Variants in IMMP2L observed in about 807,000 individuals in gnomAD.
IMMP2L encodes the protein mitochondrial inner membrane protease subunit 2.
A neutral mutation model predicts 19.3 loss-of-function variants in IMMP2L; 18 were observed. The observed-to-expected ratio is 0.93, with a 90% CI of 0.64 to 1.38. The LOEUF (loss-of-function observed/expected upper bound fraction) is 1.38. IMMP2L is among the 40% of genes most tolerant of loss of function. IMMP2L has a pLI of 0.00. For missense variants in IMMP2L, 233 were observed against 218.2 expected (o/e 1.07, Z -0.43); for synonymous variants, 76 against 73.0 (o/e 1.04, Z -0.21).
At chr7:110,934,888 G>T (rs1349892435) in intron 4 of IMMP2L, among the ~76,000 whole-genome samples, 1 of 152,126 alleles carries the variant, frequency 6.6e-6, no homozygotes, top group Non-Finnish European at 1.5e-5. Context: ...GCCTATGTGT[G>T]TCTTTGCATG....
chr7:111,214,489 C>A (rs1203248627), intron 3 of IMMP2L, among the ~76,000 whole-genome samples: 3 of 145,296 alleles, frequency 2.1e-5, no homozygotes, highest in Non-Finnish European at 4.5e-5. Flanking sequence ...ATTACAGGCA[C>A]CTGCCACCAA....
At chr7:111,214,140 T>G (rs1811631130) in intron 3 of IMMP2L, among the ~76,000 whole-genome samples, 1 of 152,070 alleles carries the variant, frequency 6.6e-6, no homozygotes, top group Admixed American at 6.5e-5. Flanking sequence ...ATCCAGTCCC[T>G]TCCAAGGGTA....
At chr7:111,048,387 A>G (rs1792660539) in intron 3 of IMMP2L, among the ~76,000 whole-genome samples, 1 of 152,070 alleles carries the variant, frequency 6.6e-6, no homozygotes, top group Non-Finnish European at 1.5e-5. Context: ...AGCAGTGAGC[A>G]TCTGGGCCTG....
At chr7:111,093,787 C>A (rs975679624) in intron 3 of IMMP2L, among the ~76,000 whole-genome samples, 1 of 152,094 alleles carries the variant, frequency 6.6e-6, no homozygotes, top group Admixed American at 6.6e-5. Context: ...TTGTGTATGA[C>A]TGGAAGATTT....
At chr7:111,144,902 T>C (rs944545616) in intron 3 of IMMP2L, among the ~76,000 whole-genome samples, 1 of 152,114 alleles carries the variant, frequency 6.6e-6, no homozygotes, top group Non-Finnish European at 1.5e-5. Flanking sequence ...TGATAAATGT[T>C]ATGAAAGCAA....
intron 3 of IMMP2L, among the ~76,000 whole-genome samples, chr7:111,225,055 T>G (rs894877187): frequency 2.0e-5 from 3 of 152,140 alleles, no homozygotes; most frequent in Admixed American, 2.0e-4. Flanking sequence ...CGTTGCAAGC[T>G]GAACTAGCCA....
In IMMP2L at chr7:110,975,163, C is replaced by T. The variant is rs367677940; in HGVS notation, c.240-11598G>A. 5.9e-5 allele frequency among the ~76,000 whole-genome samples: 9 copies of T among 152,070 alleles called. No individual in the cohort carries two copies. In the East Asian group the frequency reaches 1.5e-3, roughly 26 times the overall value. ...TTATAAGTTAAAAACAGATATATAA[C>T]ATGAGTTTAAAAAATAAAAGGAAAA... On this transcript the variant is annotated intron_variant, in intron 3 of 5. Coordinates refer to ENST00000405709, the MANE Select transcript of IMMP2L (RefSeq NM_032549.4).
intron 3 of IMMP2L, among the ~76,000 whole-genome samples, chr7:111,462,199 CAT>C (rs1211837216): frequency 4.6e-5 from 7 of 151,988 alleles, no homozygotes; most frequent in Admixed American, 2.6e-4. Context: ...ATTATGTACA[CAT>C]GTCAATTTCC....
intron 3 of IMMP2L, among the ~76,000 whole-genome samples, chr7:111,076,078 T>C (rs577386008): frequency 6.6e-6 from 1 of 152,180 alleles, no homozygotes; most frequent in East Asian, 1.9e-4. Context: ...GAAAAAAAAG[T>C]TTGGTTCTTC....
intron 3 of IMMP2L, among the ~76,000 whole-genome samples, chr7:111,413,629 A>ATATATAT (rs1324239635): frequency 1.3e-5 from 2 of 151,912 alleles, no homozygotes; most frequent in East Asian, 3.9e-4. Flanking sequence ...AGTTACAGAA[A>ATATATAT]AGCATGTGGC....
chr7:111,518,381 A>C (rs1846050925), intron 2 of IMMP2L, among the ~76,000 whole-genome samples: 1 of 152,078 alleles, frequency 6.6e-6, no homozygotes, highest in Non-Finnish European at 1.5e-5. Context: ...ATGAGATTTA[A>C]TCTTTCGATC....
At chr7:110,673,978 G>A (rs1443039774) in intron 5 of IMMP2L, among the ~76,000 whole-genome samples, 1 of 152,016 alleles carries the variant, frequency 6.6e-6, no homozygotes, top group South Asian at 2.1e-4. Context: ...CTACTTTTTG[G>A]GGTATCTTTA....
intron 3 of IMMP2L, among the ~76,000 whole-genome samples, chr7:111,008,325 C>T (rs879777346): frequency 4.6e-5 from 7 of 152,074 alleles, no homozygotes; most frequent in Non-Finnish European, 8.8e-5. Context: ...GACTGCCTTG[C>T]TATTCTTTGA....
chr7:111,223,430 A>G (rs1199210933), intron 3 of IMMP2L, among the ~76,000 whole-genome samples: 4 of 152,214 alleles, frequency 2.6e-5, no homozygotes, highest in South Asian at 2.1e-4. Flanking sequence ...ATTAAGCACA[A>G]TGAACTCTAG....
At chr7:111,522,926 C>CAT (rs148789480) in intron 1 of IMMP2L, among the ~76,000 whole-genome samples, 3,333 of 134,946 alleles carry the variant, frequency 0.025, 353 homozygotes, top group African/African-American at 0.093. Context: ...ATGTGAGATA[C>CAT]ATATATATAT....
chr7:111,481,578 A>C (rs1842191949), intron 3 of IMMP2L, among the ~76,000 whole-genome samples: 1 of 151,826 alleles, frequency 6.6e-6, no homozygotes, highest in Non-Finnish European at 1.5e-5. Flanking sequence ...AGCAGTCAAT[A>C]AACACTTTAA....
At chr7:111,463,001 A>T (rs1840276353) in intron 3 of IMMP2L, among the ~76,000 whole-genome samples, 1 of 152,158 alleles carries the variant, frequency 6.6e-6, no homozygotes, top group South Asian at 2.1e-4. Flanking sequence ...ACATAAAGGT[A>T]TTCTCACAGT....
At chr7:110,742,114 T>C (rs965680398) in intron 5 of IMMP2L, among the ~76,000 whole-genome samples, 3 of 152,194 alleles carry the variant, frequency 2.0e-5, no homozygotes, top group Non-Finnish European at 4.4e-5. Flanking sequence ...AGAACAACAG[T>C]ATTATAAAAT....
At chr7:111,379,522 T>C (rs986058263) in intron 3 of IMMP2L, among the ~76,000 whole-genome samples, 5 of 151,728 alleles carry the variant, frequency 3.3e-5, no homozygotes, top group African/African-American at 9.7e-5. Flanking sequence ...AAAAGCACTA[T>C]TGATATTTCA....
Sources: gnomAD v4.1 joint callset for allele counts (sites outside exome capture counted in the v4.1 genomes callset) on GRCh38, gnomAD v4.1.1 for gene constraint, MANE v1.5 for transcripts, NCBI Gene and HGNC (gene_info 2026-07-23, HGNC 2026-07-21) for gene names.